TNRC18: variants seen among roughly 807,000 people sequenced by gnomAD.
The protein encoded by TNRC18 is trinucleotide repeat-containing gene 18 protein.
Under a neutral mutation model 226.7 loss-of-function variants are expected in TNRC18, and 69 were observed. The ratio of observed to expected loss-of-function variants is 0.30; its 90% CI spans 0.25 to 0.37. TNRC18 has a LOEUF of 0.37. Among genes scored for constraint, TNRC18 ranks in the 10% least tolerant of loss-of-function variants. TNRC18 has a pLI of 1.00. For synonymous variants in TNRC18, 2,449 were observed against 1,927.6 expected (o/e 1.27, Z -7.09); for missense variants, 4,754 against 4,256.6 (o/e 1.12, Z -3.25).
chr7:5,374,795 A>G (rs954613492), intron 9 of TNRC18, among the ~76,000 whole-genome samples: 1 of 152,212 alleles, frequency 6.6e-6, no homozygotes, highest in African/African-American at 2.4e-5. Context: ...CCTCACAGTC[A>G]GGACAAGGGG....
In TNRC18 at chr7:5,376,972, T is replaced by A; in HGVS notation, c.2483A>T (p.His828Leu). ...HPYGLGPPSL[H>L]QGMAPAFPPG... ...TGGGAACGCAGGGGCCATGCCCTGG[T>A]GCAGAGATGGGGGACCCAAGCCTAG... Residue 828 changes from histidine to leucine, a missense_variant, in exon 8 of 30, where the codon CAC (histidine) becomes CTC (leucine). Physicochemically the swap from His to Leu is moderately conservative, Grantham distance 99. Coordinates refer to ENST00000430969, the MANE Select transcript of TNRC18 (RefSeq NM_001080495.3). The A allele has an allele frequency of 6.3e-7, 1 of 1,584,978 alleles. No homozygotes were observed. Among genetic ancestry groups the A allele is most frequent in the Non-Finnish European group, 8.6e-7 (1 of 1,166,014 alleles).
chr7:5,335,945 A>ACCTATAAT (rs779342511), intron 18 of TNRC18, among the ~76,000 whole-genome samples: 6 of 151,200 alleles, frequency 4.0e-5, no homozygotes, highest in Non-Finnish European at 7.4e-5. Context: ...AGTGGCTCAC[A>ACCTATAAT]CCTATAATCC....
rs1376279281 is a variant in TNRC18, at chr7:5,409,073, AG to A, written c.187+11986del. Among the ~76,000 whole-genome samples the A allele has an allele frequency of 2.6e-5, 4 of 152,308 alleles. No individual in the cohort carries two copies. The East Asian group carries it at 7.7e-4, about 29-fold the overall frequency. On this transcript the variant is annotated intron_variant, in intron 2 of 29. Coordinates refer to ENST00000430969, the MANE Select transcript of TNRC18 (RefSeq NM_001080495.3). ...GCCTGTGAGATATACAAGGTCAACA[AG>A]GAAAGATCTTTTTACAGAGGGCATT... is the stretch of plus-strand genomic sequence containing the variant.
chr7:5,349,892 G>T (rs1791602309), intron 17 of TNRC18, among the ~76,000 whole-genome samples: 1 of 152,152 alleles, frequency 6.6e-6, no homozygotes, highest in African/African-American at 2.4e-5. Context: ...TGGCGGGGGT[G>T]GAGGGGGGCA....
intron 17 of TNRC18, among the ~76,000 whole-genome samples, chr7:5,350,787 G>A (rs1423517813): frequency 6.6e-6 from 1 of 152,168 alleles, no homozygotes; most frequent in African/African-American, 2.4e-5. Flanking sequence ...TGAGAACCGA[G>A]GTGGCTGAGG....
chr7:5,326,004 G>C (rs540975189), intron 19 of TNRC18, among the ~76,000 whole-genome samples: 1 of 152,110 alleles, frequency 6.6e-6, no homozygotes, highest in South Asian at 2.1e-4. Flanking sequence ...AAAGTGCTGG[G>C]ATTACAGGCT....
chr7:5,397,117 C>G (rs1780744843), intron 2 of TNRC18, among the ~76,000 whole-genome samples: 1 of 152,248 alleles, frequency 6.6e-6, no homozygotes, highest in South Asian at 2.1e-4. Flanking sequence ...GCCCAGCCCC[C>G]TCACCGGACT....
intron 2 of TNRC18, among the ~76,000 whole-genome samples, chr7:5,402,178 CAAAAAA>C (rs35794476): frequency 1.5e-4 from 11 of 71,330 alleles, no homozygotes; most frequent in South Asian, 4.6e-4. Flanking sequence ...GACTCTGTCT[CAAAAAA>C]AAAAAAAAAA....
chr7:5,388,184 G>T lies in TNRC18; in HGVS notation c.1640C>A (p.Ser547Tyr). ...EEAAVVAASS[S>Y]KKAYLDPGAV... ...CCCAGGGTCCAGGTAGGCCTTCTTG[G>T]AGGAGGAGGCAGCGACCACGGCGGC... Residue 547 changes from serine to tyrosine, a missense_variant, in exon 5 of 30, where the codon TCC (serine) becomes TAC (tyrosine). Physicochemically the swap from Ser to Tyr is moderately radical, Grantham distance 144. Coordinates refer to ENST00000430969, the MANE Select transcript of TNRC18 (RefSeq NM_001080495.3). The T allele has an allele frequency of 6.3e-7, 1 of 1,586,772 alleles. No homozygotes were observed. Among genetic ancestry groups the T allele is most frequent in the Non-Finnish European group, 8.6e-7 (1 of 1,168,358 alleles).
rs1416412976 is a variant in TNRC18 at position 5,357,290 on chromosome 7, GT to G, written c.4834-15del. 1.9e-6 allele frequency: 3 copies of G among 1,602,860 alleles called. No homozygotes were observed. In the African/African-American group the frequency reaches 4.0e-5, roughly 21 times the overall value. On this transcript the variant is annotated splice_polypyrimidine_tract_variant and intron_variant, in intron 15 of 29. Coordinates refer to ENST00000430969, the MANE Select transcript of TNRC18 (RefSeq NM_001080495.3). ...CTTAATCTTTAGCTGGAGAGGGAAG[GT>G]GGGTCATGGGTTAAAAGATCTGACA...
At position 5,324,397 on chromosome 7, in the gene TNRC18, CAG is replaced by C; in HGVS notation, c.6301-44_6301-43del. ...GCCGACAAATGACTTAGGACCTGAA[CAG>C]GGGTCCTGCCGGGTTGGGGACCCTC... On this transcript the variant is annotated intron_variant, in intron 20 of 29. Coordinates refer to ENST00000430969, the MANE Select transcript of TNRC18 (RefSeq NM_001080495.3). This position sits in a 1 kb window ranked among gnomAD's most constrained non-coding sequence, Gnocchi z 4.8. The C allele has an allele frequency of 6.2e-7, 1 of 1,605,024 alleles. No homozygotes were observed. The highest frequency in any genetic ancestry group is 8.5e-7 in the Non-Finnish European group (1 of 1,175,964).
Position 5,388,102 on chromosome 7 carries a change from A to T in TNRC18, c.1722T>A (p.Ser574=). The stretch of plus-strand genomic sequence containing the variant: ...AGGCCTCTCCAGACCCGTGGGCCGC[A>T]GAGTGCATGTCAGCGACCGGCCGGC... ...TCGRPVADMH[S]AAHGSGEASA... is the part of the protein sequence containing the mutation. Residue 574 remains serine (S), a synonymous_variant, in exon 5 of 30, where the codon TCT becomes TCA. Transcript: ENST00000430969. 6.4e-7 allele frequency: 1 copy of T among 1,554,068 alleles called. No homozygotes were observed. The highest frequency in any genetic ancestry group is 8.7e-7 in the Non-Finnish European group (1 of 1,149,470).
intron 17 of TNRC18, among the ~76,000 whole-genome samples, chr7:5,349,236 G>A (rs955185118): frequency 3.3e-5 from 5 of 152,134 alleles, no homozygotes; most frequent in African/African-American, 1.2e-4. Flanking sequence ...CTGCTCCTGC[G>A]GGGTCTGGTG....
At chr7:5,386,587 A>AAG (rs57427019) in intron 5 of TNRC18, among the ~76,000 whole-genome samples, 1 of 150,830 alleles carries the variant, frequency 6.6e-6, no homozygotes, top group East Asian at 1.9e-4. Flanking sequence ...AAAAAAAAAA[A>AAG]GAAAAAGAAA....
At chr7:5,354,858 T>C (rs1165251147) in intron 16 of TNRC18, among the ~76,000 whole-genome samples, 1 of 152,180 alleles carries the variant, frequency 6.6e-6, no homozygotes, top group South Asian at 2.1e-4. Context: ...TGACGATATC[T>C]TAACTCTGAG....
chr7:5,325,052 G>T, intron 20 of TNRC18, 44 bp downstream of exon 20: 1 of 1,545,414 alleles, frequency 6.5e-7, no homozygotes, highest in Non-Finnish European at 8.7e-7. Context: ...CAGGAGCATG[G>T]CTGAGCCCCC....
chr7:5,371,138 C>T lies in TNRC18; in HGVS notation c.3456G>A (p.Pro1152=), dbSNP rs763498048. The T allele has an allele frequency of 3.1e-6, 5 of 1,610,954 alleles. No individual in the cohort carries two copies. The highest frequency in any genetic ancestry group is 1.7e-5 in the Admixed American group (1 of 59,936). Reference sequence around the variant, plus strand: ...CTGCCTTCACCTCCCGCTCAGCCAGCGGTTCTTCCTCCGGGCCCTCCCGCA... The same window carrying T: ...CTGCCTTCACCTCCCGCTCAGCCAGTGGTTCTTCCTCCGGGCCCTCCCGCA... ...EPLREGPEEE[P]LAEREVKAEV... is the part of the protein sequence containing the mutation. Residue 1152 remains proline, a synonymous_variant, in exon 11 of 30, where the codon CCG becomes CCA. Transcript: ENST00000430969.
chr7:5,311,519 A>T (rs1239739799), intron 27 of TNRC18, among the ~76,000 whole-genome samples: 1 of 152,206 alleles, frequency 6.6e-6, no homozygotes, highest in Non-Finnish European at 1.5e-5. Context: ...GGGAACACTC[A>T]AATGCCACAC....
chr7:5,370,648 C>T lies in TNRC18; in HGVS notation c.3946G>A (p.Val1316Ile). 1 of 1,612,982 alleles carries T rather than the reference C, an allele frequency of 6.2e-7. No individual in the cohort carries two copies. The highest frequency in any genetic ancestry group is 8.5e-7 in the Non-Finnish European group (1 of 1,179,776). The change falls in exon 11 of 30, where the codon GTA (valine) becomes ATA (isoleucine). Residue 1316 changes from valine to isoleucine, a missense_variant. Coordinates refer to ENST00000430969, the MANE Select transcript of TNRC18 (RefSeq NM_001080495.3). ...PSLEPQEAVP[V>I]LGSTCFLEEA... The stretch of plus-strand genomic sequence containing the variant: ...TCCAGGAAGCAGGTGCTGCCGAGTA[C>T]AGGCACGGCCTCTTGGGGCTCCAGG...
Sources: allele counts gnomAD v4.1 joint callset (sites outside exome capture counted in the v4.1 genomes callset), GRCh38; gene constraint gnomAD v4.1.1; non-coding constraint Gnocchi (gnomAD v3.1); transcripts MANE v1.5; gene names NCBI Gene and HGNC (gene_info 2026-07-23, HGNC 2026-07-21).